SRGAP3: variants seen among roughly 807,000 people sequenced by gnomAD.
SRGAP3 encodes the protein SLIT-ROBO Rho GTPase activating protein 3, also known as SLIT-ROBO Rho GTPase-activating protein 3.
A neutral mutation model predicts 121.1 loss-of-function variants in SRGAP3; 39 were observed. The observed-to-expected ratio is 0.32, with a 90% confidence interval of 0.25 to 0.42. The LOEUF (loss-of-function observed/expected upper bound fraction) is 0.42, where lower values mean the gene tolerates loss of function less well. Ranked by LOEUF, SRGAP3 falls within the 10% of genes least tolerant of loss-of-function variation. The pLI is 1.00. For missense variants in SRGAP3, 1,213 were observed against 1,470.6 expected (o/e 0.82, Z 2.86); for synonymous variants, 601 against 570.0 (o/e 1.05, Z -0.77).
At chr3:9,135,321 T>C (rs1180786026) in intron 1 of SRGAP3, among the ~76,000 whole-genome samples, 1 of 152,246 alleles carries the variant, frequency 6.6e-6, no homozygotes, top group East Asian at 1.9e-4. Context: ...GGGATGGCAC[T>C]ATGTTTTATT....
intron 1 of SRGAP3, among the ~76,000 whole-genome samples, chr3:9,230,503 A>T (rs556509785): frequency 1.4e-4 from 21 of 152,244 alleles, no homozygotes; most frequent in Admixed American, 7.8e-4. Context: ...ACATCTTCAA[A>T]CAGTTATGAA....
upstream of SRGAP3, among the ~76,000 whole-genome samples, chr3:9,250,041 T>C (rs916466040): frequency 3.3e-5 from 5 of 152,190 alleles, no homozygotes; most frequent in Non-Finnish European, 7.3e-5. Flanking sequence ...AGTTACTTGG[T>C]GGCAGAGACG....
chr3:9,136,009 G>T (rs1011691096), intron 1 of SRGAP3, among the ~76,000 whole-genome samples: 1 of 152,232 alleles, frequency 6.6e-6, no homozygotes, highest in Non-Finnish European at 1.5e-5. Flanking sequence ...GTCATGGACC[G>T]TGAGCACCAG....
chr3:9,029,371 T>C (rs1250357330), intron 12 of SRGAP3, among the ~76,000 whole-genome samples: 2 of 152,164 alleles, frequency 1.3e-5, no homozygotes, highest in African/African-American at 2.4e-5. Flanking sequence ...TTGGCTCTTA[T>C]AAAAATGAGT....
At chr3:9,024,479 G>T (rs1944087298) in intron 14 of SRGAP3, among the ~76,000 whole-genome samples, 2 of 152,188 alleles carry the variant, frequency 1.3e-5, no homozygotes, top group Admixed American at 1.3e-4. Context: ...AAAAGCAGAG[G>T]TGTAAGAAAA....
chr3:9,262,007 A>G (rs1272580167), intron 3 of SRGAP3, among the ~76,000 whole-genome samples: 2 of 152,188 alleles, frequency 1.3e-5, no homozygotes, highest in Admixed American at 1.3e-4. Context: ...CTAACAGTGG[A>G]TCTCTCTGCA....
chr3:9,086,146 G>C (rs1490900969), intron 3 of SRGAP3, among the ~76,000 whole-genome samples: 2 of 152,174 alleles, frequency 1.3e-5, no homozygotes, highest in Non-Finnish European at 2.9e-5. Context: ...TCTGCTTCCT[G>C]GGGGACCCAA....
chr3:9,343,675 C>T (rs1031703848), intron 1 of SRGAP3, among the ~76,000 whole-genome samples: 1 of 152,060 alleles, frequency 6.6e-6, no homozygotes, highest in African/African-American at 2.4e-5. Flanking sequence ...ATATGCTCTA[C>T]TTTTAAATTT....
At position 8,983,510 on chromosome 3, in the gene SRGAP3, T is replaced by C. The variant is rs1477732815; in HGVS notation, c.*2009A>G. 4.4e-6 allele frequency: 1 copy of C among 229,796 alleles called. No homozygotes were observed. The highest frequency in any genetic ancestry group is 5.7e-5 in the Admixed American group (1 of 17,652). 14.2% of individuals were successfully genotyped at this position (229,796 alleles called of 1,614,324 possible). The stretch of plus-strand genomic sequence containing the variant: ...AACTAGGTCCCTCCCTTTGGGTGTA[T>C]TTACCTTTTCGCGGGGGACCAGAGG... On this transcript the variant is annotated 3_prime_UTR_variant, in exon 22 of 22. Transcript: ENST00000383836.
At chr3:9,169,372 G>A (rs1950897560) in intron 1 of SRGAP3, among the ~76,000 whole-genome samples, 1 of 152,294 alleles carries the variant, frequency 6.6e-6, no homozygotes, top group East Asian at 1.9e-4. Flanking sequence ...GGTTGGAGGT[G>A]GGGTAGCAGG....
chr3:9,167,501 C>T (rs889381938), intron 1 of SRGAP3, among the ~76,000 whole-genome samples: 1 of 152,218 alleles, frequency 6.6e-6, no homozygotes, highest in Non-Finnish European at 1.5e-5. Context: ...ATGCCCACAT[C>T]CATGGCCCAT....
In SRGAP3 at chr3:9,249,335, G is replaced by A. The variant is rs1307030869; in HGVS notation, c.-384C>T. ...CACGCATGCACAGGCACACTCACCGGGACACGCACACAGTTGTGCTGTGCA... is the reference window on the plus strand; with the variant it reads ...CACGCATGCACAGGCACACTCACCGAGACACGCACACAGTTGTGCTGTGCA... On this transcript the variant is annotated 5_prime_UTR_variant, in exon 1 of 22. Coordinates refer to ENST00000383836, the MANE Select transcript of SRGAP3 (RefSeq NM_014850.4). 2.4e-6 allele frequency: 1 copy of A among 421,382 alleles called. No individual in the cohort carries two copies. The highest frequency in any genetic ancestry group is 4.4e-6 in the Non-Finnish European group (1 of 225,870). The allele number at this position is 421,382 out of a possible 1,614,324, so 26.1% of individuals were successfully genotyped here.
chr3:8,987,553 G>C lies in SRGAP3; in HGVS notation c.2887-1621C>G, dbSNP rs534463201. ...CTCCCCTGTCTGCAGGTGGCTTCCT[G>C]CCTGCCCTAGGCCACATGGCAGGCT... On this transcript the variant is annotated intron_variant, in intron 21 of 21. Transcript: ENST00000383836. 1.1e-3 allele frequency among the ~76,000 whole-genome samples: 158 copies of C among 138,612 alleles called. 2 individuals carry two copies. Among genetic ancestry groups the C allele is most frequent in the African/African-American group, 5.1e-3 (153 of 30,196 alleles). The allele number at this position is 138,612 out of a possible 152,430, so 90.9% of individuals were successfully genotyped here. A position where few individuals can be genotyped will look rare whatever the true frequency, so the allele number is the denominator to read the frequency against.
chr3:9,260,505 C>T (rs919444117), intron 3 of SRGAP3, among the ~76,000 whole-genome samples: 3 of 152,180 alleles, frequency 2.0e-5, no homozygotes, highest in Admixed American at 1.3e-4. Context: ...AGGTTGTTTT[C>T]CCCTTATAAT....
intron 1 of SRGAP3, among the ~76,000 whole-genome samples, chr3:9,204,743 G>A (rs1454417026): frequency 6.6e-6 from 1 of 152,170 alleles, no homozygotes; most frequent in African/African-American, 2.4e-5. Flanking sequence ...CGTAAGCCGG[G>A]CAATCACAGG....
At chr3:9,092,730 A>T (rs113465501) in intron 3 of SRGAP3, among the ~76,000 whole-genome samples, 2,512 of 152,312 alleles carry the variant, frequency 0.016, 66 homozygotes, top group African/African-American at 0.056. Context: ...GATATTTACA[A>T]GGCTCTGCTT....
intron 1 of SRGAP3, among the ~76,000 whole-genome samples, chr3:9,345,549 G>A (rs993248730): frequency 6.0e-5 from 9 of 150,924 alleles, no homozygotes; most frequent in African/African-American, 1.5e-4. Context: ...TTGGGAGGCC[G>A]AGGAAGGTGG....
intron 7 of SRGAP3, among the ~76,000 whole-genome samples, chr3:9,057,283 C>G (rs1945870294): frequency 6.6e-6 from 1 of 152,252 alleles, no homozygotes; most frequent in South Asian, 2.1e-4. Flanking sequence ...GGCATGTGCA[C>G]CTCACCCCTT....
chr3:9,131,694 G>C (rs979451751), intron 1 of SRGAP3, among the ~76,000 whole-genome samples: 1 of 151,854 alleles, frequency 6.6e-6, no homozygotes, highest in Non-Finnish European at 1.5e-5. Context: ...CACCCGCCTC[G>C]GCCTCCCAAA....
Sources: gnomAD v4.1 joint callset for allele counts (sites outside exome capture counted in the v4.1 genomes callset) on GRCh38, gnomAD v4.1.1 for gene constraint, MANE v1.5 for transcripts, NCBI Gene and HGNC (gene_info 2026-07-23, HGNC 2026-07-21) for gene names.